Variants in AGRN observed in about 807,000 individuals in gnomAD.
AGRN encodes the protein agrin proteoglycan.
Under a neutral mutation model 211.0 loss-of-function variants are expected in AGRN, and 106 were observed. The ratio of observed to expected loss-of-function variants is 0.50; its 90% CI spans 0.43 to 0.59. The LOEUF (loss-of-function observed/expected upper bound fraction) is 0.59. Ranked by LOEUF, AGRN falls within the 20% of genes least tolerant of loss-of-function variation. The pLI is 0.00. For synonymous variants in AGRN, 1,525 were observed against 1,332.5 expected, an observed-to-expected ratio of 1.14 and a Z score of -3.15; for missense variants, 3,040 against 2,982.6, an observed-to-expected ratio of 1.02 and a Z score of -0.45.
At chr1:1,049,875 G>A (rs372217212) in intron 26 of AGRN, 28 bp from the exon 27 acceptor site, 6 of 1,611,304 alleles carry the variant, frequency 3.7e-6, no homozygotes, top group Non-Finnish European at 3.4e-6. Flanking sequence ...CTGGGACCTC[G>A]GTCCCGGTCC....
intron 3 of AGRN, among the ~76,000 whole-genome samples, chr1:1,038,061 G>A (rs763637219): frequency 2.6e-5 from 4 of 152,176 alleles, no homozygotes; most frequent in Non-Finnish European, 4.4e-5. Context: ...GCTCACTCTT[G>A]AGGGGCAGAT....
chr1:1,049,577 G>A lies in AGRN; in HGVS notation c.4526G>A (p.Arg1509Gln), dbSNP rs371477631. Residue 1509 changes from arginine (R) to glutamine (Q), a missense_variant, in exon 26 of 36, where the codon CGG (arginine) becomes CAG (glutamine). Arg to Gln is a conservative substitution (Grantham distance 43, BLOSUM62 1). This residue lies in a region of AGRN where 1,537 missense variants were observed against 1,505.0 expected (regional missense o/e 1.02). Transcript: ENST00000379370. ...PEDQAAVALE[R>Q]TFVGAGLRGC... Reference sequence around the variant, plus strand: ...CCTCCTGGTGGCAGGGCGCTGGAGCGGACCTTCGTGGGCGCCGGCCTGAGG... The same window carrying A: ...CCTCCTGGTGGCAGGGCGCTGGAGCAGACCTTCGTGGGCGCCGGCCTGAGG... The A allele has an allele frequency of 4.5e-5, 72 of 1,589,646 alleles. No individual in the cohort carries two copies. The highest frequency in any genetic ancestry group is 9.4e-5 in the African/African-American group (7 of 74,586).
At chr1:1,036,303 GC>G (rs1570175707) in intron 3 of AGRN, among the ~76,000 whole-genome samples, 1 of 152,178 alleles carries the variant, frequency 6.6e-6, no homozygotes, top group East Asian at 1.9e-4. Flanking sequence ...GCCCTGTGAT[GC>G]CCGCCTGTGC....
At chr1:1,037,605 G>T (rs1644831739) in intron 3 of AGRN, among the ~76,000 whole-genome samples, 1 of 152,244 alleles carries the variant, frequency 6.6e-6, no homozygotes. Flanking sequence ...CGAGTGGCCG[G>T]GGAGGGGCTC....
chr1:1,034,714 G>T (rs1303019356), intron 2 of AGRN: 4 of 995,832 alleles, frequency 4.0e-6, no homozygotes, highest in Non-Finnish European at 3.6e-6. Flanking sequence ...GTAGGTGGCC[G>T]CGGGCGGGGC....
At chr1:1,034,526 G>C in intron 2 of AGRN, 2 of 986,084 alleles carry the variant, frequency 2.0e-6, no homozygotes, top group Non-Finnish European at 2.4e-6. Context: ...CACGCTCTGA[G>C]AGTGGGGCGC....
Position 1,049,732 on chromosome 1 carries a change from G to T in AGRN, c.4681G>T (p.Gly1561Trp). Residue 1561 changes from glycine to tryptophan, a missense_variant, in exon 26 of 36, where the codon GGG becomes TGG. Around this residue, in one of 3 missense-constraint regions of AGRN, gnomAD observed 1,537 missense variants for 1,505.0 expected, o/e 1.02. Coordinates refer to ENST00000379370, the MANE Select transcript of AGRN (RefSeq NM_198576.4). The part of the protein sequence containing the change: ...HPCLPNPCHG[G>W]APCQNLEAGR... ...CTGCCTGCCCAACCCCTGCCATGGC[G>T]GGGCCCCATGCCAGAACCTGGAGGC... is the stretch of plus-strand genomic sequence containing the variant. 6.3e-7 allele frequency: 1 copy of T among 1,580,696 alleles called. No individual in the cohort carries two copies. The highest frequency in any genetic ancestry group is 8.6e-7 in the Non-Finnish European group (1 of 1,165,390).
intron 2 of AGRN, among the ~76,000 whole-genome samples, chr1:1,030,723 A>ATG (rs769109732): frequency 1.1e-4 from 4 of 37,652 alleles, no homozygotes; most frequent in African/African-American, 3.2e-4. Flanking sequence ...TGAGATCAGC[A>ATG]TGTGTGTGTG....
Position 1,031,015 on chromosome 1 carries a change from GT to G in AGRN, c.464-4261del. Among the ~76,000 whole-genome samples, 1 of 142,184 alleles carries G rather than the reference GT, an allele frequency of 7.0e-6. No homozygotes were observed. Among genetic ancestry groups the G allele is most frequent in the Non-Finnish European group, 1.5e-5 (1 of 65,658 alleles). 93.3% of individuals were successfully genotyped at this position (142,184 alleles called of 152,430 possible). A position where few individuals can be genotyped will look rare whatever the true frequency, so the allele number is the denominator to read the frequency against. On this transcript the variant is annotated intron_variant, in intron 2 of 35. Transcript: ENST00000379370. This position sits in a 1 kb window ranked among gnomAD's most constrained non-coding sequence, Gnocchi z 4.8. ...GGTGCTGAGTGTGAGATCAGCATGT[GT>G]GTGTGCAGTGCATGGTGCTGTGAGT...
chr1:1,029,360 C>T (rs975838802), intron 2 of AGRN, among the ~76,000 whole-genome samples: 1 of 42,038 alleles, frequency 2.4e-5, no homozygotes, highest in African/African-American at 6.8e-5. Context: ...TGGGGGATGC[C>T]CAATATCTAT....
At position 1,032,091 on chromosome 1, in the gene AGRN, G is replaced by A. The variant is rs761027883; in HGVS notation, c.464-3186G>A. Among the ~76,000 whole-genome samples the A allele has an allele frequency of 2.0e-5, 3 of 152,228 alleles. No homozygotes were observed. Among genetic ancestry groups the A allele is most frequent in the Non-Finnish European group, 4.4e-5 (3 of 68,046 alleles). Reference sequence around the variant, plus strand: ...CAGTGCCAAGGTCCAGCAGGGTGGGGTGGTTGGGGTAGGAGCTCCCCTGAG... The same window carrying A: ...CAGTGCCAAGGTCCAGCAGGGTGGGATGGTTGGGGTAGGAGCTCCCCTGAG... On this transcript the variant is annotated intron_variant, in intron 2 of 35. Transcript: ENST00000379370. This position sits in a 1 kb window ranked among gnomAD's most constrained non-coding sequence, Gnocchi z 4.7.
chr1:1,053,727 G>A lies in AGRN; in HGVS notation c.5652-26G>A, dbSNP rs548740195. On this transcript the variant is annotated intron_variant, in intron 33 of 35. Coordinates refer to ENST00000379370, the MANE Select transcript of AGRN (RefSeq NM_198576.4). ...CTGTCCTGTTGCCACCTTCCTAGAGGCCCTGACCTGCCCTCTGCCCTCCAG... is the reference window on the plus strand; with the variant it reads ...CTGTCCTGTTGCCACCTTCCTAGAGACCCTGACCTGCCCTCTGCCCTCCAG... The A allele has an allele frequency of 4.5e-6, 7 of 1,572,330 alleles. No individual in the cohort carries two copies. The African/African-American group carries it at 6.7e-5, about 15-fold the overall frequency.
chr1:1,028,405 G>A (rs1459910381), intron 2 of AGRN, among the ~76,000 whole-genome samples: 1 of 148,002 alleles, frequency 6.8e-6, no homozygotes, highest in African/African-American at 2.5e-5. Context: ...CTTGGTTGGG[G>A]TTGGGGGCAC....
Position 1,043,660 on chromosome 1 carries a change from A to G in AGRN, c.1726A>G (p.Ser576Gly). The G allele has an allele frequency of 6.2e-7, 1 of 1,601,446 alleles. No individual in the cohort carries two copies. ...TGGCTCCGACGGGCACACGTACCCC[A>G]GCGAGTGCATGCTGCACGTGCACGC... ...VCGSDGHTYPSECMLHVHACT... is the reference protein window; with the variant it reads ...VCGSDGHTYPGECMLHVHACT... Residue 576 changes from serine (S) to glycine (G), a missense_variant, in exon 9 of 36, where the codon AGC becomes GGC. This residue lies in a region of AGRN where 1,498 missense variants were observed against 1,457.8 expected (regional missense o/e 1.03). Transcript: ENST00000379370.
At position 1,049,065 on chromosome 1, in the gene AGRN, C is replaced by CGGGGA. The variant is rs1333053420; in HGVS notation, c.4298+12_4298+16dup. The CGGGGA allele has an allele frequency of 6.7e-5, 70 of 1,049,632 alleles. No individual in the cohort carries two copies. The highest frequency in any genetic ancestry group is 8.9e-5 in the Non-Finnish European group (65 of 730,482). 65.0% of individuals were successfully genotyped at this position (1,049,632 alleles called of 1,614,324 possible). A position where few individuals can be genotyped will look rare whatever the true frequency, so the allele number is the denominator to read the frequency against. Reference sequence around the variant, plus strand: ...GATGGCCGCGTGCAGCTCAGGTGGGCGGGGAGGGGACGGGGCCGGGGCAGC... The same window carrying CGGGGA: ...GATGGCCGCGTGCAGCTCAGGTGGGCGGGGAGGGGAGGGGACGGGGCCGGGGCAGC... On this transcript the variant is annotated splice_region_variant and intron_variant, in intron 24 of 35. Transcript: ENST00000379370.
chr1:1,020,290 G>C lies in AGRN; in HGVS notation c.118G>C (p.Glu40Gln), dbSNP rs1644366841. Residue 40 changes from glutamate (E) to glutamine (Q), a missense_variant, in exon 1 of 36, where the codon GAG becomes CAG. Physicochemically the swap from Glu to Gln is conservative, Grantham distance 29. Coordinates refer to ENST00000379370, the MANE Select transcript of AGRN (RefSeq NM_198576.4). Reference protein sequence around the residue: ...TCPERALERREEEANVVLTGT... With the variant: ...TCPERALERRQEEANVVLTGT... ...CCCGGAGCGCGCGCTGGAGCGGCGC[G>C]AGGAGGAGGCGAACGTGGTGCTCAC... is the stretch of plus-strand genomic sequence containing the variant. 1 of 1,474,230 alleles carries C rather than the reference G, an allele frequency of 6.8e-7. No homozygotes were observed. The highest frequency in any genetic ancestry group is 9.0e-7 in the Non-Finnish European group (1 of 1,112,206). The allele number at this position is 1,474,230 out of a possible 1,614,324, so 91.3% of individuals were successfully genotyped here.
intron 35 of AGRN, 41 bp from the exon 36 acceptor site, chr1:1,054,783 A>G (rs1176089127): frequency 6.5e-7 from 1 of 1,540,896 alleles, no homozygotes; most frequent in Non-Finnish European, 8.7e-7. Context: ...CATCAGCATC[A>G]CTGAGTCACA....
rs371322324 is a variant in AGRN, at chr1:1,043,460, C to T, written c.1603+3C>T. The T allele has an allele frequency of 2.6e-5, 41 of 1,599,398 alleles. No homozygotes were observed. The highest frequency in any genetic ancestry group is 3.3e-5 in the Non-Finnish European group (39 of 1,176,320). The stretch of plus-strand genomic sequence containing the variant: ...GGTGGCGCGCAAAGGACCCTGTGGT[C>T]AGTGGCGGGTGAGGGGTCTGGTGGG... On this transcript the variant is annotated splice_donor_region_variant and intron_variant, in intron 8 of 35. Transcript: ENST00000379370.
In AGRN at chr1:1,054,442, A is replaced by C. The variant is rs559355207; in HGVS notation, c.5877-6A>C. 1 of 1,573,690 alleles carries C rather than the reference A, an allele frequency of 6.4e-7. No individual in the cohort carries two copies. The highest frequency in any genetic ancestry group is 2.3e-5 in the East Asian group (1 of 43,032). On this transcript the variant is annotated splice_polypyrimidine_tract_variant and splice_region_variant and intron_variant, in intron 34 of 35. Transcript: ENST00000379370. ...CCTGATGGTCTCCCCCTCCCTGCAC[A>C]CCCAGGGAGCAGAGGGAAGGTTCCC...
Sources: allele counts gnomAD v4.1 joint callset (sites outside exome capture counted in the v4.1 genomes callset), GRCh38; gene constraint gnomAD v4.1.1; regional missense constraint gnomAD v4.1.1; non-coding constraint Gnocchi (gnomAD v3.1); transcripts MANE v1.5; gene names NCBI Gene and HGNC (gene_info 2026-07-23, HGNC 2026-07-21).